Variants in CYP11B2 observed in about 807,000 individuals in gnomAD.
CYP11B2 encodes the protein cytochrome P450 11B2, mitochondrial.
In CYP11B2, 38 loss-of-function variants were observed where a neutral mutation model predicts 49.3. The ratio of observed to expected loss-of-function variants is 0.77; its 90% CI spans 0.59 to 1.01. The LOEUF is 1.01. Among genes scored for constraint, CYP11B2 ranks in the 50% least tolerant of loss-of-function variants. CYP11B2 has a pLI of 0.00. For synonymous variants in CYP11B2, 290 were observed against 269.3 expected, an observed-to-expected ratio of 1.08 and a Z score of -0.75; for missense variants, 669 against 655.5, an observed-to-expected ratio of 1.02 and a Z score of -0.23.
At chr8:142,913,240 C>T (rs1172877754) in intron 6 of CYP11B2, 45 bp downstream of exon 6, 12 of 1,604,158 alleles carry the variant, frequency 7.5e-6, no homozygotes, top group Non-Finnish European at 9.4e-6. Context: ...GGGCTGCTCT[C>T]CAGCAGGGGG....
At position 142,914,280 on chromosome 8, in the gene CYP11B2, G is replaced by T; in HGVS notation, c.938C>A (p.Ala313Glu). ...AIKANSMELT[A>E]GSVDTTAFPL... Reference sequence around the variant, plus strand: ...TGGCCTGACCGTGTCCACGCTCCCTGCAGTGAGTTCCATAGAGTTGGCCTT... The same window carrying T: ...TGGCCTGACCGTGTCCACGCTCCCTTCAGTGAGTTCCATAGAGTTGGCCTT... Residue 313 changes from alanine (A) to glutamate (E), a missense_variant, in exon 5 of 9, where the codon GCA (alanine) becomes GAA (glutamate). Physicochemically the swap from Ala to Glu is moderately radical, Grantham distance 107. Coordinates refer to ENST00000323110, the MANE Select transcript of CYP11B2 (RefSeq NM_000498.3). The T allele has an allele frequency of 6.2e-7, 1 of 1,614,190 alleles. No homozygotes were observed. The highest frequency in any genetic ancestry group is 8.5e-7 in the Non-Finnish European group (1 of 1,180,036).
rs140991840 is a variant in CYP11B2, at chr8:142,915,228, C to T, written c.413G>A (p.Arg138His). The T allele has an allele frequency of 6.1e-5, 98 of 1,613,292 alleles. No homozygotes were observed. The highest frequency in any genetic ancestry group is 7.0e-5 in the Non-Finnish European group (83 of 1,179,722). ...GVFLLNGPEW[R>H]FNRLRLNPDV... ...TGGGTTCAGCCGCAATCGGTTGAAG[C>T]GCCATTCAGGCCCATTCCTACAGAG... is the stretch of plus-strand genomic sequence containing the variant. Residue 138 changes from arginine (R) to histidine (H), a missense_variant, in exon 3 of 9, where the codon CGC (arginine) becomes CAC (histidine). By Grantham distance (29) the Arg-to-His change is conservative (BLOSUM62 0). Coordinates refer to ENST00000323110, the MANE Select transcript of CYP11B2 (RefSeq NM_000498.3).
At position 142,912,007 on chromosome 8, in the gene CYP11B2, G is replaced by C. The variant is rs1018041655; in HGVS notation, c.1485C>G (p.Pro495=). 9 of 1,614,028 alleles carry C rather than the reference G, an allele frequency of 5.6e-6. No homozygotes were observed. Among genetic ancestry groups the C allele is most frequent in the Non-Finnish European group, 6.8e-6 (8 of 1,179,956 alleles). The change falls in exon 9 of 9, where the codon CCC becomes CCG. Residue 495 remains proline (P), a synonymous_variant. Transcript: ENST00000323110. ...YSFILRPGTS[P]LLTFRAIN ...AGTTAATCGCTCTGAAAGTGAGGAG[G>C]GGGGACGTGCCAGGCCTCAATATGA...
intron 1 of CYP11B2, 91 bp downstream of exon 1, chr8:142,917,511 C>A (rs1817668637): frequency 1.9e-6 from 3 of 1,613,384 alleles, no homozygotes; most frequent in Non-Finnish European, 2.5e-6. Context: ...CCGGGACCTG[C>A]TGGGAATGGC....
At chr8:142,914,445 C>T in intron 4 of CYP11B2, 27 bp from the exon 5 acceptor site, 1 of 1,598,600 alleles carries the variant, frequency 6.3e-7, no homozygotes, top group Non-Finnish European at 8.5e-7. Flanking sequence ...GGACAGCCCT[C>T]AGATCTTGGT....
At position 142,915,938 on chromosome 8, in the gene CYP11B2, G is replaced by A. The variant is rs529204982; in HGVS notation, c.396-693C>T. Reference sequence around the variant, plus strand: ...TTGACAGTGATGACAGGCAGAAGATGCACATGCACACGTGCGCCCATGCAA... The same window carrying A: ...TTGACAGTGATGACAGGCAGAAGATACACATGCACACGTGCGCCCATGCAA... On this transcript the variant is annotated intron_variant, in intron 2 of 8. Coordinates refer to ENST00000323110, the MANE Select transcript of CYP11B2 (RefSeq NM_000498.3). Among the ~76,000 whole-genome samples, 50 of 152,316 alleles carry A rather than the reference G, an allele frequency of 3.3e-4. No homozygotes were observed. In the South Asian group the frequency reaches 8.5e-3, roughly 26 times the overall value.
intron 2 of CYP11B2, among the ~76,000 whole-genome samples, chr8:142,916,096 G>A (rs893253655): frequency 1.3e-5 from 2 of 152,086 alleles, no homozygotes; most frequent in Non-Finnish European, 2.9e-5. Flanking sequence ...ACAGACACGT[G>A]CACACACTAC....
At chr8:142,915,518 G>A (rs183883962) in intron 2 of CYP11B2, among the ~76,000 whole-genome samples, 4,567 of 143,064 alleles carry the variant, frequency 0.032, 271 homozygotes, top group African/African-American at 0.1. Context: ...GGGACCTGGC[G>A]ACCCAAGTCT....
chr8:142,912,607 C>T lies in CYP11B2; in HGVS notation c.1321G>A (p.Val441Met), dbSNP rs1163736521. 3.7e-6 allele frequency: 6 copies of T among 1,614,060 alleles called. No homozygotes were observed. The highest frequency in any genetic ancestry group is 1.3e-5 in the African/African-American group (1 of 74,906). The change falls in exon 8 of 9, where the codon GTG (valine) becomes ATG (methionine). Residue 441 changes from valine to methionine, a missense_variant. By Grantham distance (21) the Val-to-Met change is conservative. Transcript: ENST00000323110. ...IRGSGRNFHH[V>M]PFGFGMRQCL... Reference sequence around the variant, plus strand: ...TGGCGCATGCCAAAGCCAAAGGGCACGTGGTGGAAGTTCCTGCCGGAGCCC... The same window carrying T: ...TGGCGCATGCCAAAGCCAAAGGGCATGTGGTGGAAGTTCCTGCCGGAGCCC...
chr8:142,912,815 G>A lies in CYP11B2; in HGVS notation c.1192C>T (p.Pro398Ser). The A allele has an allele frequency of 6.2e-7, 1 of 1,613,904 alleles. No individual in the cohort carries two copies. Among genetic ancestry groups the A allele is most frequent in the Non-Finnish European group, 8.5e-7 (1 of 1,179,888 alleles). Residue 398 changes from proline to serine, a missense_variant, in exon 7 of 9, where the codon CCA becomes TCA. By Grantham distance (74) the Pro-to-Ser change is moderately conservative. Coordinates refer to ENST00000323110, the MANE Select transcript of CYP11B2 (RefSeq NM_000498.3). ...SDLVLQNYHI[P>S]AGTLVQVFLY... ...GTGTGGGGCTCACTCACCCCAGCTGGGATGTGGTAGTTCTGAAGCACCAAG... is the reference window on the plus strand; with the variant it reads ...GTGTGGGGCTCACTCACCCCAGCTGAGATGTGGTAGTTCTGAAGCACCAAG...
At chr8:142,916,703 C>G (rs976815891) in intron 2 of CYP11B2, among the ~76,000 whole-genome samples, 3 of 152,150 alleles carry the variant, frequency 2.0e-5, no homozygotes, top group African/African-American at 7.2e-5. Context: ...CAGTGGAAGT[C>G]CCCTTCTCAG....
At chr8:142,917,499 T>C in intron 1 of CYP11B2, 103 bp downstream of exon 1, 4 of 1,613,112 alleles carry the variant, frequency 2.5e-6, no homozygotes, top group Non-Finnish European at 3.4e-6. Flanking sequence ...GGATGCAGAG[T>C]GCCGGGACCT....
chr8:142,915,185 C>T lies in CYP11B2; in HGVS notation c.456G>A (p.Lys152=). Residue 152 remains lysine, a synonymous_variant, in exon 3 of 9, where the codon AAG becomes AAA. Coordinates refer to ENST00000323110, the MANE Select transcript of CYP11B2 (RefSeq NM_000498.3). ...LRLNPDVLSP[K]AVQRFLPMVD... ...CCATCGGGAGGAACCTCTGCACGGC[C>T]TTGGGCGACAGCACATCTGGGTTCA... is the stretch of plus-strand genomic sequence containing the variant. 1 of 1,614,132 alleles carries T rather than the reference C, an allele frequency of 6.2e-7. No homozygotes were observed. Among genetic ancestry groups the T allele is most frequent in the Non-Finnish European group, 8.5e-7 (1 of 1,179,952 alleles).
Position 142,913,385 on chromosome 8 carries a change from G to A in CYP11B2, c.1021C>T (p.Arg341Cys), listed in dbSNP as rs562670189. 53 of 1,613,956 alleles carry A rather than the reference G, an allele frequency of 3.3e-5. No homozygotes were observed. The highest frequency in any genetic ancestry group is 1.6e-4 in the Middle Eastern group (1 of 6,062). ...GCTGCGGCGGCCAGGCTCTCCTGGC[G>A]CAGGATCTGCTGCACGTCGGGGTTC... ...ARNPDVQQIL[R>C]QESLAAAASI... The change falls in exon 6 of 9, where the codon CGC becomes TGC. Residue 341 changes from arginine to cysteine, a missense_variant. By Grantham distance (180) the Arg-to-Cys change is radical (BLOSUM62 -3). Coordinates refer to ENST00000323110, the MANE Select transcript of CYP11B2 (RefSeq NM_000498.3).
At chr8:142,917,471 C>T (rs1354141091) in intron 1 of CYP11B2, 131 bp downstream of exon 1, 3 of 1,612,142 alleles carry the variant, frequency 1.9e-6, no homozygotes, top group African/African-American at 2.7e-5. Flanking sequence ...GTGCTGCACT[C>T]CTTCCCCATC....
chr8:142,911,670 C>A lies in CYP11B2; in HGVS notation c.*310G>T. 1 of 383,884 alleles carries A rather than the reference C, an allele frequency of 2.6e-6. No individual in the cohort carries two copies. Among genetic ancestry groups the A allele is most frequent in the Non-Finnish European group, 4.6e-6 (1 of 218,770 alleles). The allele number at this position is 383,884 out of a possible 1,614,324, so 23.8% of individuals were successfully genotyped here. On this transcript the variant is annotated 3_prime_UTR_variant, in exon 9 of 9. Transcript: ENST00000323110. ...CACCCTTGCATGGCCTCATGAGGAGCCTGGAGCCAGCGCTGGGAGTAGAGT... is the reference window on the plus strand; with the variant it reads ...CACCCTTGCATGGCCTCATGAGGAGACTGGAGCCAGCGCTGGGAGTAGAGT...
chr8:142,914,987 A>G lies in CYP11B2; in HGVS notation c.595+59T>C, dbSNP rs1328901005. 1.9e-6 allele frequency: 3 copies of G among 1,611,952 alleles called. No individual in the cohort carries two copies. The Admixed American group carries it at 5.0e-5, about 27-fold the overall frequency. On this transcript the variant is annotated intron_variant, in intron 3 of 8. Coordinates refer to ENST00000323110, the MANE Select transcript of CYP11B2 (RefSeq NM_000498.3). Reference sequence around the variant, plus strand: ...CTCCCCACACTCCCTTCAGTCCTCCATCCCCATCCCTGGCCACTCCAGGGT... The same window carrying G: ...CTCCCCACACTCCCTTCAGTCCTCCGTCCCCATCCCTGGCCACTCCAGGGT...
Position 142,911,904 on chromosome 8 carries a change from G to A in CYP11B2, c.*76C>T. The A allele has an allele frequency of 1.2e-6, 2 of 1,608,014 alleles. No homozygotes were observed. Among genetic ancestry groups the A allele is most frequent in the Non-Finnish European group, 1.7e-6 (2 of 1,176,688 alleles). On this transcript the variant is annotated 3_prime_UTR_variant, in exon 9 of 9. Transcript: ENST00000323110. ...GTGACTCAGGAAGCTGTGCACGTGG[G>A]AGAGAAGACAGGTGGCCTGGGGTCA...
In CYP11B2 at chr8:142,911,790, C is replaced by G; in HGVS notation, c.*190G>C. 2 of 814,350 alleles carry G rather than the reference C, an allele frequency of 2.5e-6. No individual in the cohort carries two copies. The highest frequency in any genetic ancestry group is 3.8e-6 in the Non-Finnish European group (2 of 525,314). The allele number at this position is 814,350 out of a possible 1,614,324, so 50.4% of individuals were successfully genotyped here. On this transcript the variant is annotated 3_prime_UTR_variant, in exon 9 of 9. Transcript: ENST00000323110. ...CCAGCAAGATCGTCTCCAGCTGTGCCCTGGCCTTGCTATTTGACAAGCCTG... is the reference window on the plus strand; with the variant it reads ...CCAGCAAGATCGTCTCCAGCTGTGCGCTGGCCTTGCTATTTGACAAGCCTG...
Sources: allele counts gnomAD v4.1 joint callset (sites outside exome capture counted in the v4.1 genomes callset), GRCh38; gene constraint gnomAD v4.1.1; transcripts MANE v1.5; gene names NCBI Gene and HGNC (gene_info 2026-07-23, HGNC 2026-07-21).